Variants in GLP1R observed in about 807,000 individuals in gnomAD.
GLP1R encodes glucagon-like peptide 1 receptor.
A neutral mutation model predicts 68.4 loss-of-function variants in GLP1R; 32 were observed. That is an observed-to-expected ratio of 0.47 (90% confidence interval 0.35 to 0.63). The LOEUF (loss-of-function observed/expected upper bound fraction) is 0.63, where lower values mean the gene tolerates loss of function less well. GLP1R is among the 20% of genes least tolerant of loss of function. GLP1R has a pLI of 0.00. For synonymous variants in GLP1R, 263 were observed against 244.4 expected (o/e 1.08, Z -0.71); for missense variants, 502 against 594.9 (o/e 0.84, Z 1.62).
chr6:39,068,583 A>G (rs1768579523), intron 5 of GLP1R, among the ~76,000 whole-genome samples: 1 of 152,228 alleles, frequency 6.6e-6, no homozygotes, highest in Non-Finnish European at 1.5e-5. Flanking sequence ...TGTTCCCTAC[A>G]GCTCGTGCAC....
At chr6:39,066,408 G>T (rs10305459) in intron 5 of GLP1R, 105 bp downstream of exon 5, 10 of 648,542 alleles carry the variant, frequency 1.5e-5, no homozygotes, top group Non-Finnish European at 2.5e-5. Flanking sequence ...CAGCACATTC[G>T]TCCTTCTCTC....
At chr6:39,074,001 G>A (rs947057478) in intron 7 of GLP1R, among the ~76,000 whole-genome samples, 1 of 152,148 alleles carries the variant, frequency 6.6e-6, no homozygotes. Flanking sequence ...TCCACCGCAT[G>A]TGGCCAAACA....
In GLP1R at chr6:39,069,249, C is replaced by T. The variant is rs1175798014; in HGVS notation, c.509+2946C>T. ...CTCTGGTCTCCAATGCCATGCTCCTCATTTCTATCTCAGACCTCATCAGAA... is the reference window on the plus strand; with the variant it reads ...CTCTGGTCTCCAATGCCATGCTCCTTATTTCTATCTCAGACCTCATCAGAA... On this transcript the variant is annotated intron_variant, in intron 5 of 12. Coordinates refer to ENST00000373256, the MANE Select transcript of GLP1R (RefSeq NM_002062.5). Among the ~76,000 whole-genome samples the T allele has an allele frequency of 1.3e-5, 2 of 152,214 alleles. 1 individual carries two copies. The highest frequency in any genetic ancestry group is 2.9e-5 in the Non-Finnish European group (2 of 68,044).
Position 39,060,800 on chromosome 6 carries a change from C to A in GLP1R, c.283+3221C>A, listed in dbSNP as rs560356580. Among the ~76,000 whole-genome samples the A allele has an allele frequency of 3.1e-3, 466 of 152,308 alleles. 2 individuals are homozygous for A. The highest frequency in any genetic ancestry group is 0.014 in the Middle Eastern group (4 of 294). ...GCAAAAGTCAAAACAATCACCAGAC[C>A]CCTGAGCTGGGTTGTGTTAGGAGCT... On this transcript the variant is annotated intron_variant, in intron 3 of 12. Transcript: ENST00000373256.
chr6:39,077,770 CAGTT>C, intron 7 of GLP1R, among the ~76,000 whole-genome samples: 1 of 152,156 alleles, frequency 6.6e-6, no homozygotes, highest in African/African-American at 2.4e-5. Context: ...CCACTGCGGA[CAGTT>C]AGTTGGTCAG....
intron 5 of GLP1R, among the ~76,000 whole-genome samples, chr6:39,071,832 T>G (rs1768675825): frequency 6.6e-6 from 1 of 152,198 alleles, no homozygotes; most frequent in African/African-American, 2.4e-5. Flanking sequence ...TAAGGTAGAA[T>G]TTTTATGAAT....
At chr6:39,072,254 A>G (rs550291618) in intron 5 of GLP1R, among the ~76,000 whole-genome samples, 8 of 152,182 alleles carry the variant, frequency 5.3e-5, no homozygotes, top group Non-Finnish European at 1.2e-4. Context: ...TGTAGTTACA[A>G]TGTTGACTAG....
chr6:39,079,618 C>G lies in GLP1R; in HGVS notation c.1098C>G (p.Ile366Met). The change falls in exon 11 of 13, where the codon ATC becomes ATG. Residue 366 changes from isoleucine (I) to methionine (M), a missense_variant. Physicochemically the swap from Ile to Met is conservative, Grantham distance 10. Coordinates refer to ENST00000373256, the MANE Select transcript of GLP1R (RefSeq NM_002062.5). The surrounding 1 kb of genome is among the most constrained non-coding windows in gnomAD (Gnocchi z 4.5). ...CCCTGCTGGGGACTCATGAGGTCAT[C>G]TTTGCCTTTGTGATGGACGAGCACG... ...LIPLLGTHEV[I>M]FAFVMDEHAR... 1.2e-6 allele frequency: 2 copies of G among 1,611,562 alleles called. No individual in the cohort carries two copies. Among genetic ancestry groups the G allele is most frequent in the Non-Finnish European group, 1.7e-6 (2 of 1,179,020 alleles).
chr6:39,066,118 C>A (rs966973523), intron 4 of GLP1R, 79 bp from the exon 5 acceptor site: 1 of 830,814 alleles, frequency 1.2e-6, no homozygotes, highest in Non-Finnish European at 2.0e-6. Flanking sequence ...CCAGCTCTGT[C>A]TCTGTGCCAT....
chr6:39,067,492 G>A (rs1768547092), intron 5 of GLP1R, among the ~76,000 whole-genome samples: 1 of 152,174 alleles, frequency 6.6e-6, no homozygotes, highest in Admixed American at 6.5e-5. Context: ...TGGGTGAAAA[G>A]CTCTCACAAA....
At chr6:39,063,923 C>G (rs1434210534) in intron 3 of GLP1R, among the ~76,000 whole-genome samples, 1 of 124,662 alleles carries the variant, frequency 8.0e-6, no homozygotes. Context: ...CACACAGACA[C>G]ATAACACACA....
At position 39,088,012 on chromosome 6, in the gene GLP1R, T is replaced by C. The variant is rs1769194002; in HGVS notation, c.*1939T>C. On this transcript the variant is annotated 3_prime_UTR_variant, in exon 13 of 13. Transcript: ENST00000373256. ...TTTTGAGAATCATTATTACATTACA[T>C]AGCAACAAAGAAACAGATTGATATA... Among the ~76,000 whole-genome samples the C allele has an allele frequency of 6.6e-6, 1 of 152,174 alleles. No homozygotes were observed.
At chr6:39,065,912 A>G in intron 4 of GLP1R, 83 bp downstream of exon 4, 1 of 810,050 alleles carries the variant, frequency 1.2e-6, no homozygotes, top group Non-Finnish European at 2.1e-6. Flanking sequence ...CTTGGCTTTG[A>G]TGGGGGCATC....
At position 39,056,478 on chromosome 6, in the gene GLP1R, C is replaced by A; in HGVS notation, c.160C>A (p.Pro54Thr). The A allele has an allele frequency of 6.3e-7, 1 of 1,579,510 alleles. No individual in the cohort carries two copies. The highest frequency in any genetic ancestry group is 8.7e-7 in the Non-Finnish European group (1 of 1,148,502). ...RQCQRSLTED[P>T]PPATDLFCNR... ...GTGCCAGCGCTCCCTGACTGAGGAT[C>A]CACCTCCTGCCACAGGTGAGTCCAT... is the stretch of plus-strand genomic sequence containing the variant. Residue 54 changes from proline (P) to threonine (T), a missense_variant, in exon 2 of 13, where the codon CCA (proline) becomes ACA (threonine). Transcript: ENST00000373256.
At chr6:39,057,685 C>T in intron 3 of GLP1R, 106 bp downstream of exon 3, 1 of 661,900 alleles carries the variant, frequency 1.5e-6, no homozygotes, top group South Asian at 1.7e-5. Flanking sequence ...CCCTCCCCGA[C>T]CTGATACCTG....
chr6:39,073,549 G>A, intron 6 of GLP1R, 61 bp from the exon 7 acceptor site: 1 of 1,415,474 alleles, frequency 7.1e-7, no homozygotes. Context: ...GACGGGGAGT[G>A]GTATCAAGAG....
chr6:39,084,056 G>T (rs1338615479), intron 12 of GLP1R, among the ~76,000 whole-genome samples: 1 of 152,142 alleles, frequency 6.6e-6, no homozygotes, highest in Non-Finnish European at 1.5e-5. Context: ...CAGGTGAGAG[G>T]TAGGAGATGG....
chr6:39,070,354 A>G lies in GLP1R; in HGVS notation c.510-2508A>G, dbSNP rs369686092. 2.0e-5 allele frequency among the ~76,000 whole-genome samples: 3 copies of G among 152,234 alleles called. No homozygotes were observed. In the East Asian group the frequency reaches 5.8e-4, roughly 29 times the overall value. ...CATTCCATATTCCGTTGTATAATAC[A>G]GCACAGTTTATCTGTCAACCTTTTA... is the stretch of plus-strand genomic sequence containing the variant. On this transcript the variant is annotated intron_variant, in intron 5 of 12. Coordinates refer to ENST00000373256, the MANE Select transcript of GLP1R (RefSeq NM_002062.5).
At chr6:39,057,349 T>G in intron 2 of GLP1R, 123 bp from the exon 3 acceptor site, 1 of 666,614 alleles carries the variant, frequency 1.5e-6, no homozygotes, top group Non-Finnish European at 2.7e-6. Flanking sequence ...TGGCATACAG[T>G]AAGCATTCAG....
Sources: allele counts gnomAD v4.1 joint callset (sites outside exome capture counted in the v4.1 genomes callset), GRCh38; gene constraint gnomAD v4.1.1; non-coding constraint Gnocchi (gnomAD v3.1); transcripts MANE v1.5; gene names NCBI Gene and HGNC (gene_info 2026-07-23, HGNC 2026-07-21).